PSMA8: variants seen among roughly 807,000 people sequenced by gnomAD.
PSMA8 encodes the protein proteasome subunit alpha-type 8.
Under a neutral mutation model 32.4 loss-of-function variants are expected in PSMA8, and 18 were observed. The observed-to-expected ratio is 0.56, with a 90% CI of 0.38 to 0.82. The LOEUF (loss-of-function observed/expected upper bound fraction) is 0.82, where lower values mean the gene tolerates loss of function less well. Among genes scored for constraint, PSMA8 ranks in the 40% least tolerant of loss-of-function variants. PSMA8 has a pLI of 0.00. For synonymous variants in PSMA8, 104 were observed against 98.1 expected (o/e 1.06, Z -0.36); for missense variants, 298 against 300.7 (o/e 0.99, Z 0.07).
intron 4 of PSMA8, among the ~76,000 whole-genome samples, chr18:26,163,601 G>A (rs1053234054): frequency 1.3e-5 from 2 of 152,108 alleles, no homozygotes; most frequent in African/African-American, 2.4e-5. Flanking sequence ...ACGTGACTAC[G>A]CTACAGCAAG....
intron 1 of PSMA8, among the ~76,000 whole-genome samples, chr18:26,136,951 G>C (rs1302927202): frequency 1.3e-5 from 2 of 152,142 alleles, no homozygotes; most frequent in South Asian, 2.1e-4. Flanking sequence ...CTTGCTGAAA[G>C]TACCCAGCTG....
intron 4 of PSMA8, chr18:26,171,358 C>T (rs1163390512): frequency 5.8e-6 from 8 of 1,380,926 alleles, no homozygotes; most frequent in South Asian, 1.2e-5. Context: ...GCGAAATTGT[C>T]GGTATTTTGT....
chr18:26,141,959 T>A (rs1568053752), intron 1 of PSMA8, among the ~76,000 whole-genome samples: 2 of 151,946 alleles, frequency 1.3e-5, no homozygotes, highest in Non-Finnish European at 2.9e-5. Flanking sequence ...ATGCTGGGAT[T>A]ACAGGCATGA....
chr18:26,153,485 T>G (rs1034284419), intron 3 of PSMA8, among the ~76,000 whole-genome samples: 1 of 152,246 alleles, frequency 6.6e-6, no homozygotes, highest in African/African-American at 2.4e-5. Context: ...TGAAGAATCA[T>G]CAACATTAGG....
intron 6 of PSMA8, among the ~76,000 whole-genome samples, chr18:26,181,421 A>G (rs1046430705): frequency 6.6e-6 from 1 of 152,118 alleles, no homozygotes; most frequent in Admixed American, 6.5e-5. Flanking sequence ...CCTGAGGCAT[A>G]ACAATATTGA....
intron 4 of PSMA8, among the ~76,000 whole-genome samples, 165 bp downstream of exon 4, chr18:26,158,409 A>C (rs1422779133): frequency 6.6e-6 from 1 of 152,218 alleles, no homozygotes; most frequent in East Asian, 1.9e-4. Flanking sequence ...GGTTGGATAA[A>C]GAATCACCTT....
At chr18:26,147,210 C>CA (rs57358976) in intron 2 of PSMA8, among the ~76,000 whole-genome samples, 3,614 of 47,680 alleles carry the variant, frequency 0.076, 363 homozygotes, top group African/African-American at 0.21. Flanking sequence ...CACCCTGTCT[C>CA]AAAAAAAAAA....
intron 1 of PSMA8, among the ~76,000 whole-genome samples, chr18:26,135,518 T>A (rs961826125): frequency 6.6e-6 from 1 of 152,060 alleles, no homozygotes; most frequent in African/African-American, 2.4e-5. Context: ...TTGGGCCCAC[T>A]AGTTTTGCTT....
chr18:26,159,332 A>T (rs1011688325), intron 4 of PSMA8, among the ~76,000 whole-genome samples: 1 of 152,178 alleles, frequency 6.6e-6, no homozygotes, highest in Non-Finnish European at 1.5e-5. Flanking sequence ...CTTACAACAA[A>T]TATCAGAATA....
intron 6 of PSMA8, among the ~76,000 whole-genome samples, chr18:26,189,276 C>T (rs2055382862): frequency 6.6e-6 from 1 of 152,052 alleles, no homozygotes; most frequent in South Asian, 2.1e-4. Context: ...GCTTGTAATC[C>T]CAGCACTTTG....
rs565463123 is a variant in PSMA8, at chr18:26,154,417, G to A, written c.354+2435G>A. On this transcript the variant is annotated intron_variant, in intron 3 of 6. Transcript: ENST00000415576. Reference sequence around the variant, plus strand: ...TTAAAAACACATTCACCAAATACAAGGAACAGAACATTGTATACACAAAAT... The same window carrying A: ...TTAAAAACACATTCACCAAATACAAAGAACAGAACATTGTATACACAAAAT... Among the ~76,000 whole-genome samples the A allele has an allele frequency of 2.8e-3, 431 of 152,018 alleles. 2 individuals carry two copies. Among genetic ancestry groups the A allele is most frequent in the Non-Finnish European group, 4.6e-3 (311 of 67,974 alleles).
intron 2 of PSMA8, 51 bp from the exon 3 acceptor site, chr18:26,151,807 T>C: frequency 6.5e-7 from 1 of 1,542,508 alleles, no homozygotes; most frequent in Non-Finnish European, 8.8e-7. Context: ...AAAAATGTAT[T>C]GTAAAAAATA....
In PSMA8 at chr18:26,193,009, T is replaced by C. The variant is rs1451523706; in HGVS notation, c.*598T>C. Reference sequence around the variant, plus strand: ...TATATTGTTTCGTTCATGGAACAAATATAGGCTGAATTCAAACATGCAATT... The same window carrying C: ...TATATTGTTTCGTTCATGGAACAAACATAGGCTGAATTCAAACATGCAATT... On this transcript the variant is annotated 3_prime_UTR_variant, in exon 7 of 7. Transcript: ENST00000415576. 2 of 152,232 alleles carry C rather than the reference T, an allele frequency of 1.3e-5. No individual in the cohort carries two copies. Among genetic ancestry groups the C allele is most frequent in the East Asian group, 3.8e-4 (2 of 5,206 alleles). The allele number at this position is 152,232 out of a possible 1,614,324, so 9.4% of individuals were successfully genotyped here.
In PSMA8 at chr18:26,133,897, C is replaced by T; in HGVS notation, c.-69C>T. 5.2e-6 allele frequency: 7 copies of T among 1,352,992 alleles called. No individual in the cohort carries two copies. The highest frequency in any genetic ancestry group is 1.2e-5 in the South Asian group (1 of 83,620). 83.8% of individuals were successfully genotyped at this position (1,352,992 alleles called of 1,614,324 possible). A position where few individuals can be genotyped will look rare whatever the true frequency, so the allele number is the denominator to read the frequency against. Reference sequence around the variant, plus strand: ...TCCGGGCGGTAGCACGCTGTGTTGGCGGCGGCTCCCCGCTTGCCTCAGCTG... The same window carrying T: ...TCCGGGCGGTAGCACGCTGTGTTGGTGGCGGCTCCCCGCTTGCCTCAGCTG... On this transcript the variant is annotated 5_prime_UTR_variant, in exon 1 of 7. Transcript: ENST00000415576.
In PSMA8 at chr18:26,133,977, A is replaced by G. The variant is rs1456320297; in HGVS notation, c.12A>G (p.Arg4=). The G allele has an allele frequency of 6.2e-7, 1 of 1,613,978 alleles. No homozygotes were observed. The change falls in exon 1 of 7, where the codon CGA becomes CGG. Residue 4 remains arginine, a synonymous_variant. Coordinates refer to ENST00000415576, the MANE Select transcript of PSMA8 (RefSeq NM_001025096.2). The stretch of plus-strand genomic sequence containing the variant: ...TGTAGTCCTGTGCGATGGCGTCTCG[A>G]TATGACAGGGCGATCACTGTCTTCT... MAS[R]YDRAITVFSP...
Position 26,144,701 on chromosome 18 carries a change from C to A in PSMA8, c.229+16C>A. On this transcript the variant is annotated intron_variant, in intron 2 of 6. Transcript: ENST00000415576. ...GCTTTTGCAGGTACTTAAGGTCCTA[C>A]AATAATGATGCATAGTGTCTTACTG... 1.2e-6 allele frequency: 2 copies of A among 1,612,624 alleles called. No homozygotes were observed. Among genetic ancestry groups the A allele is most frequent in the Non-Finnish European group, 1.7e-6 (2 of 1,179,012 alleles).
chr18:26,158,136 C>G lies in PSMA8; in HGVS notation c.369C>G (p.Ser123Arg). The G allele has an allele frequency of 6.3e-7, 1 of 1,588,594 alleles. No individual in the cohort carries two copies. The highest frequency in any genetic ancestry group is 8.6e-7 in the Non-Finnish European group (1 of 1,161,928). The part of the protein sequence containing the change: ...IATLKQKYTQ[S>R]NGRRPFGISA... ...TATTTTTCTAGAAATATACCCAAAGCAATGGACGAAGACCTTTTGGTATTT... is the reference window on the plus strand; with the variant it reads ...TATTTTTCTAGAAATATACCCAAAGGAATGGACGAAGACCTTTTGGTATTT... Residue 123 changes from serine to arginine, a missense_variant, in exon 4 of 7, where the codon AGC (serine) becomes AGG (arginine). Ser to Arg is a moderately radical substitution (Grantham distance 110, BLOSUM62 -1). Transcript: ENST00000415576.
Position 26,192,426 on chromosome 18 carries a change from AC to A in PSMA8, c.*16del. The A allele has an allele frequency of 6.6e-7, 1 of 1,520,032 alleles. No individual in the cohort carries two copies. Among genetic ancestry groups the A allele is most frequent in the East Asian group, 2.6e-5 (1 of 38,964 alleles). 94.2% of individuals were successfully genotyped at this position (1,520,032 alleles called of 1,614,324 possible). A position where few individuals can be genotyped will look rare whatever the true frequency, so the allele number is the denominator to read the frequency against. ...AATCTGTCTAATTCTTAGGATGACC[AC>A]TGGGAGGTCTTAATGTTTTGTTTTA... On this transcript the variant is annotated 3_prime_UTR_variant, in exon 7 of 7. Transcript: ENST00000415576.
chr18:26,161,868 C>T (rs765938593), intron 4 of PSMA8, among the ~76,000 whole-genome samples: 8 of 152,092 alleles, frequency 5.3e-5, no homozygotes, highest in Non-Finnish European at 8.8e-5. Context: ...AAGCTGCTGC[C>T]CTTTCCATGG....
Sources: allele counts gnomAD v4.1 joint callset (sites outside exome capture counted in the v4.1 genomes callset), GRCh38; gene constraint gnomAD v4.1.1; transcripts MANE v1.5; gene names NCBI Gene and HGNC (gene_info 2026-07-23, HGNC 2026-07-21).